ABCB7: variants seen among roughly 807,000 people sequenced by gnomAD.
ABCB7 encodes iron-sulfur clusters transporter ABCB7, mitochondrial.
Under a neutral mutation model 54.4 loss-of-function variants are expected in ABCB7, and 7 were observed. The ratio of observed to expected loss-of-function variants is 0.13; its 90% CI spans 0.07 to 0.24. The LOEUF (loss-of-function observed/expected upper bound fraction) is 0.24, where lower values mean the gene tolerates loss of function less well. Among genes scored for constraint, ABCB7 ranks in the 10% least tolerant of loss-of-function variants. ABCB7 has a pLI of 1.00. For missense variants in ABCB7, 356 were observed against 570.4 expected (o/e 0.62, Z 3.83); for synonymous variants, 218 against 207.1 (o/e 1.05, Z -0.45).
chrX:75,121,574 A>C (rs1298605256), intron 1 of ABCB7, among the ~76,000 whole-genome samples: 1 of 111,630 alleles, frequency 9.0e-6, no homozygotes, highest in African/African-American at 3.3e-5. Flanking sequence ...CAGAAGAAAC[A>C]AGAGGGATGG....
Position 75,060,297 on chromosome X carries a change from G to A in ABCB7, c.1969C>T (p.His657Tyr). The A allele has an allele frequency of 8.3e-7, 1 of 1,209,493 alleles. No homozygotes were observed. The highest frequency in any genetic ancestry group is 1.1e-6 in the Non-Finnish European group (1 of 893,515). ...ILGAMKDVVK[H>Y]RTSIFIAHRL... ...TGTGCAATGAAAATAGAAGTTCTGT[G>A]TTTGACCACATCCTTCATGGCACCA... Residue 657 changes from histidine (H) to tyrosine (Y), a missense_variant, in exon 15 of 16, where the codon CAC becomes TAC. Transcript: ENST00000373394.
At chrX:75,147,601 C>G (rs1372514644) in intron 1 of ABCB7, among the ~76,000 whole-genome samples, 2 of 111,453 alleles carry the variant, frequency 1.8e-5, no homozygotes, top group African/African-American at 3.3e-5. Flanking sequence ...TTCTCACTTA[C>G]AAGTAGGAGC....
At chrX:75,154,155 C>G (rs2082155560) in intron 1 of ABCB7, among the ~76,000 whole-genome samples, 1 of 111,132 alleles carries the variant, frequency 9.0e-6, no homozygotes, top group African/African-American at 3.3e-5. Context: ...ACAAAGGTAA[C>G]ATCTTTCCCT....
chrX:75,150,662 G>A (rs1468336682), intron 1 of ABCB7, among the ~76,000 whole-genome samples: 1 of 111,115 alleles, frequency 9.0e-6, no homozygotes, highest in Non-Finnish European at 1.9e-5. Flanking sequence ...TTAAAATGGG[G>A]ACAATGTAAA....
At chrX:75,132,445 CCT>C (rs1228564387) in intron 1 of ABCB7, among the ~76,000 whole-genome samples, 2 of 112,937 alleles carry the variant, frequency 1.8e-5, no homozygotes, top group African/African-American at 6.4e-5. Flanking sequence ...AGCGAAAGGC[CCT>C]CTGCCATTGT....
Position 75,070,075 on chromosome X carries a change from T to G in ABCB7, c.1365+290A>C, listed in dbSNP as rs971611466. Among the ~76,000 whole-genome samples, 5 of 110,237 alleles carry G rather than the reference T, an allele frequency of 4.5e-5. No homozygotes were observed. The Admixed American group carries it at 4.9e-4, about 11-fold the overall frequency. ...TTTTAGTAGAGACAGGGTTTCTTCA[T>G]GTTGGTCAGGCTGGTCTCGAACTCT... On this transcript the variant is annotated intron_variant, in intron 10 of 15. Transcript: ENST00000373394.
chrX:75,135,520 C>T (rs1477048312), intron 1 of ABCB7, among the ~76,000 whole-genome samples: 1 of 110,895 alleles, frequency 9.0e-6, no homozygotes, highest in East Asian at 2.8e-4. Flanking sequence ...GATACAACAA[C>T]AACAAAAAAG....
Position 75,156,116 on chromosome X carries a change from G to C in ABCB7, c.157C>G (p.Arg53Gly), listed in dbSNP as rs368238673. Residue 53 changes from arginine (R) to glycine (G), a missense_variant, in exon 1 of 16, where the codon CGA becomes GGA. This residue lies in a region of ABCB7 where 115 missense variants were observed against 99.5 expected (regional missense o/e 1.16). Transcript: ENST00000373394. Reference protein sequence around the residue: ...PHQLGALGTARAYQIPESLKS... With the variant: ...PHQLGALGTAGAYQIPESLKS... Reference sequence around the variant, plus strand: ...CAGTGGCATCTCACCTGGTAGGCTCGAGCGGTTCCCAAGGCGCCGAGTTGA... The same window carrying C: ...CAGTGGCATCTCACCTGGTAGGCTCCAGCGGTTCCCAAGGCGCCGAGTTGA... The C allele has an allele frequency of 8.3e-7, 1 of 1,208,131 alleles. No homozygotes were observed. Among genetic ancestry groups the C allele is most frequent in the Non-Finnish European group, 1.1e-6 (1 of 894,502 alleles).
At chrX:75,064,910 T>C (rs1459490028) in intron 13 of ABCB7, among the ~76,000 whole-genome samples, 160 bp downstream of exon 13, 1 of 110,846 alleles carries the variant, frequency 9.0e-6, no homozygotes, top group Non-Finnish European at 1.9e-5. Context: ...ATATGTTGAA[T>C]TGGTTATAGT....
chrX:75,130,874 T>A (rs2147553229), intron 1 of ABCB7, among the ~76,000 whole-genome samples: 1 of 111,141 alleles, frequency 9.0e-6, no homozygotes, highest in South Asian at 3.8e-4. Context: ...TATTAACAAC[T>A]ATTTACTGAA....
chrX:75,127,097 C>A (rs1438488246), intron 1 of ABCB7, among the ~76,000 whole-genome samples: 1 of 111,331 alleles, frequency 9.0e-6, no homozygotes, highest in African/African-American at 3.3e-5. Flanking sequence ...CTGGCAGAGA[C>A]ACAACAAAAA....
chrX:75,132,250 C>T (rs1183361582), intron 1 of ABCB7, among the ~76,000 whole-genome samples: 2 of 112,085 alleles, frequency 1.8e-5, no homozygotes, highest in East Asian at 5.7e-4. Flanking sequence ...CTCACACATC[C>T]AGCATGCCAC....
At chrX:75,098,218 A>T (rs1206716883) in intron 4 of ABCB7, among the ~76,000 whole-genome samples, 1 of 109,452 alleles carries the variant, frequency 9.1e-6, no homozygotes, top group Non-Finnish European at 1.9e-5. Flanking sequence ...CTGAGGCAGG[A>T]GAATTGCTTG....
intron 1 of ABCB7, among the ~76,000 whole-genome samples, chrX:75,149,619 C>G (rs1458023422): frequency 1.8e-5 from 2 of 111,417 alleles, no homozygotes; most frequent in Non-Finnish European, 3.8e-5. Flanking sequence ...CATACCGTGC[C>G]TAGCTCTGTG....
At chrX:75,072,099 T>A (rs1215232638) in intron 8 of ABCB7, among the ~76,000 whole-genome samples, 1 of 111,309 alleles carries the variant, frequency 9.0e-6, no homozygotes, top group Non-Finnish European at 1.9e-5. Flanking sequence ...GAAAGTAATC[T>A]TTTTTTACCA....
intron 1 of ABCB7, among the ~76,000 whole-genome samples, chrX:75,115,080 C>T (rs919591970): frequency 1.8e-5 from 2 of 108,693 alleles, no homozygotes; most frequent in African/African-American, 3.4e-5. Context: ...CCATCCTGGC[C>T]AACATGGTGA....
chrX:75,113,057 T>C, intron 2 of ABCB7, 85 bp from the exon 3 acceptor site: 4 of 816,320 alleles, frequency 4.9e-6, no homozygotes. Flanking sequence ...TCTAATCTAA[T>C]GAACGTTTCC....
At chrX:75,129,084 T>C (rs1482842296) in intron 1 of ABCB7, among the ~76,000 whole-genome samples, 1 of 111,668 alleles carries the variant, frequency 9.0e-6, no homozygotes, top group Non-Finnish European at 1.9e-5. Context: ...AACCCAGCAA[T>C]CCCATTACTG....
At chrX:75,115,223 A>G (rs1392665554) in intron 1 of ABCB7, among the ~76,000 whole-genome samples, 68 of 88,387 alleles carry the variant, frequency 7.7e-4, no homozygotes, top group African/African-American at 2.5e-3. Flanking sequence ...AGCCGAGATC[A>G]CGCCACTGCA....
Sources: gnomAD v4.1 joint callset for allele counts (sites outside exome capture counted in the v4.1 genomes callset) on GRCh38, gnomAD v4.1.1 for gene constraint, gnomAD v4.1.1 regional missense constraint, MANE v1.5 for transcripts, NCBI Gene and HGNC (gene_info 2026-07-23, HGNC 2026-07-21) for gene names.